IL23R: variants seen among roughly 807,000 people sequenced by gnomAD.
IL23R encodes the protein interleukin-23 receptor.
In IL23R, 34 loss-of-function variants were observed where a neutral mutation model predicts 56.9. The observed-to-expected ratio is 0.60, with a 90% confidence interval of 0.45 to 0.80. The LOEUF is 0.80. Ranked by LOEUF, IL23R falls within the 30% of genes least tolerant of loss-of-function variation. The pLI, the probability that IL23R is intolerant of heterozygous loss-of-function variation, is 0.00. For missense variants in IL23R, 635 were observed against 730.0 expected, an observed-to-expected ratio of 0.87 and a Z score of 1.50; for synonymous variants, 230 against 249.2, an observed-to-expected ratio of 0.92 and a Z score of 0.73.
chr1:67,249,514 A>T (rs1235951640), intron 9 of IL23R, among the ~76,000 whole-genome samples: 1 of 152,226 alleles, frequency 6.6e-6, no homozygotes, highest in Non-Finnish European at 1.5e-5. Flanking sequence ...ATAAATTAAC[A>T]TAATAACCTT....
intron 3 of IL23R, 32 bp from the exon 4 acceptor site, chr1:67,182,804 C>T (rs1191258724): frequency 1.2e-6 from 2 of 1,613,042 alleles, no homozygotes; most frequent in East Asian, 2.2e-5. Context: ...GTATTTCTTA[C>T]AGCACCTCCT....
intron 3 of IL23R, among the ~76,000 whole-genome samples, chr1:67,176,431 A>C (rs1647009786): frequency 6.6e-6 from 1 of 151,602 alleles, no homozygotes; most frequent in African/African-American, 2.4e-5. Context: ...CGGACTATAG[A>C]GAACTTCATA....
At chr1:67,254,573 TA>T (rs1400257551) in intron 9 of IL23R, among the ~76,000 whole-genome samples, 5 of 152,092 alleles carry the variant, frequency 3.3e-5, no homozygotes, top group Admixed American at 1.3e-4. Context: ...AAACATTGTA[TA>T]AAGATGAGTA....
At chr1:67,155,724 A>G (rs1232518131) in intron 1 of IL23R, among the ~76,000 whole-genome samples, 1 of 152,096 alleles carries the variant, frequency 6.6e-6, no homozygotes, top group East Asian at 1.9e-4. Context: ...GCTTCTTTGC[A>G]TTGGGTTAGA....
intron 1 of IL23R, among the ~76,000 whole-genome samples, chr1:67,152,428 T>G (rs1205293030): frequency 6.6e-6 from 1 of 152,184 alleles, no homozygotes; most frequent in African/African-American, 2.4e-5. Context: ...CCTCTCTTCC[T>G]ATTTGAATAC....
At chr1:67,250,109 G>T (rs1652512293) in intron 9 of IL23R, among the ~76,000 whole-genome samples, 1 of 152,038 alleles carries the variant, frequency 6.6e-6, no homozygotes, top group Non-Finnish European at 1.5e-5. Flanking sequence ...TTACATTCCT[G>T]TGCCTTCTTA....
At chr1:67,232,218 C>T (rs1207396013) in intron 7 of IL23R, among the ~76,000 whole-genome samples, 1 of 152,086 alleles carries the variant, frequency 6.6e-6, no homozygotes, top group Non-Finnish European at 1.5e-5. Flanking sequence ...GCATGTATTA[C>T]TTGTGTAATA....
At chr1:67,201,727 G>A (rs1392864613) in intron 5 of IL23R, among the ~76,000 whole-genome samples, 4 of 151,998 alleles carry the variant, frequency 2.6e-5, no homozygotes, top group African/African-American at 7.2e-5. Flanking sequence ...ATAGAAAATT[G>A]CAGAGAATTA....
intron 9 of IL23R, among the ~76,000 whole-genome samples, chr1:67,252,538 A>C (rs1490576768): frequency 6.6e-6 from 1 of 151,708 alleles, no homozygotes; most frequent in Non-Finnish European, 1.5e-5. Flanking sequence ...AATCCAAAAG[A>C]GAACTTGCCA....
intron 1 of IL23R, among the ~76,000 whole-genome samples, chr1:67,157,303 C>T (rs560041595): frequency 1.3e-5 from 2 of 152,190 alleles, no homozygotes; most frequent in Non-Finnish European, 2.9e-5. Context: ...TATTCATTTC[C>T]TTCCCCATTC....
At chr1:67,233,391 T>C (rs950316794) in intron 7 of IL23R, among the ~76,000 whole-genome samples, 2 of 151,754 alleles carry the variant, frequency 1.3e-5, no homozygotes, top group Admixed American at 6.6e-5. Flanking sequence ...GTTTTGATTA[T>C]GTCTTCATAG....
rs565630736 is a variant in IL23R, at chr1:67,167,922, T to A, written c.-29-170T>A. 2.8e-4 allele frequency among the ~76,000 whole-genome samples: 43 copies of A among 152,224 alleles called. No homozygotes were observed. In the South Asian group the frequency reaches 7.5e-3, roughly 26 times the overall value. On this transcript the variant is annotated intron_variant, in intron 1 of 10. Transcript: ENST00000347310. ...TTGTTATATCTCCTAAATATACCAGTAACATTTCTTTGCTCTGTTTCCTTC... is the reference window on the plus strand; with the variant it reads ...TTGTTATATCTCCTAAATATACCAGAAACATTTCTTTGCTCTGTTTCCTTC...
At chr1:67,162,955 A>C (rs1646836045), upstream of IL23R, among the ~76,000 whole-genome samples, 1 of 152,200 alleles carries the variant, frequency 6.6e-6, no homozygotes, top group African/African-American at 2.4e-5. Context: ...CAAGAGCTAG[A>C]GTTGTATGTT....
intron 1 of IL23R, among the ~76,000 whole-genome samples, chr1:67,146,020 T>C (rs768751205): frequency 2.0e-5 from 3 of 152,164 alleles, no homozygotes; most frequent in Non-Finnish European, 4.4e-5. Context: ...AGAGAAGCCA[T>C]GTGGAGAAAA....
chr1:67,185,675 A>C (rs1024222123), intron 4 of IL23R, among the ~76,000 whole-genome samples: 3 of 152,234 alleles, frequency 2.0e-5, no homozygotes, highest in Admixed American at 1.3e-4. Flanking sequence ...TCATCAGTCA[A>C]GAAAGTCCAC....
chr1:67,199,228 G>T (rs1054317367), intron 4 of IL23R, among the ~76,000 whole-genome samples: 1 of 152,100 alleles, frequency 6.6e-6, no homozygotes, highest in African/African-American at 2.4e-5. Context: ...GCATTTTCAG[G>T]ATCCAGGCTA....
intron 6 of IL23R, among the ~76,000 whole-genome samples, chr1:67,212,186 AAC>A (rs779341871): frequency 6.6e-6 from 1 of 152,170 alleles, no homozygotes; most frequent in Non-Finnish European, 1.5e-5. Context: ...GTTTCCTTTA[AAC>A]ACAACCACTA....
downstream of IL23R, among the ~76,000 whole-genome samples, chr1:67,261,959 T>C (rs575786727): frequency 1.3e-5 from 2 of 152,242 alleles, no homozygotes; most frequent in Non-Finnish European, 2.9e-5. Flanking sequence ...ACACTTCTGA[T>C]TCTGTCTTTG....
intron 6 of IL23R, among the ~76,000 whole-genome samples, chr1:67,210,035 T>A (rs564110020): frequency 6.6e-6 from 1 of 152,336 alleles, no homozygotes; most frequent in African/African-American, 2.4e-5. Flanking sequence ...CTAAGATGTA[T>A]GAATGTTTCT....
Sources: allele counts gnomAD v4.1 joint callset (sites outside exome capture counted in the v4.1 genomes callset), GRCh38; gene constraint gnomAD v4.1.1; transcripts MANE v1.5; gene names NCBI Gene and HGNC (gene_info 2026-07-23, HGNC 2026-07-21).